Variants in FAM120A observed in about 807,000 individuals in gnomAD.
FAM120A encodes the protein family with sequence similarity 120 member A.
A neutral mutation model predicts 109.7 loss-of-function variants in FAM120A; 15 were observed. The ratio of observed to expected loss-of-function variants is 0.14; its 90% CI spans 0.09 to 0.21. FAM120A has a LOEUF of 0.21. Among genes scored for constraint, FAM120A ranks in the 10% least tolerant of loss-of-function variants. FAM120A has a pLI of 1.00. For missense variants in FAM120A, 899 were observed against 1,439.3 expected, an observed-to-expected ratio of 0.62 and a Z score of 6.07; for synonymous variants, 493 against 572.8, an observed-to-expected ratio of 0.86 and a Z score of 1.99.
chr9:93,452,212 G>T lies in FAM120A; in HGVS notation c.297G>T (p.Ala99=). The T allele has an allele frequency of 6.2e-7, 1 of 1,611,540 alleles. No homozygotes were observed. Among genetic ancestry groups the T allele is most frequent in the Non-Finnish European group, 8.5e-7 (1 of 1,179,614 alleles). Residue 99 remains alanine, a synonymous_variant, in exon 1 of 18, where the codon GCG becomes GCT. Transcript: ENST00000277165. The surrounding 1 kb of genome is among the most constrained non-coding windows in gnomAD (Gnocchi z 7.0). ...NIELFVFFNG[A]LEKARLHEWV... is the part of the protein sequence containing the mutation. ...AGCTCTTCGTCTTCTTCAACGGCGC[G>T]CTCGAGAAGGCCCGGCTGCACGAGT... is the stretch of plus-strand genomic sequence containing the variant.
At chr9:93,535,947 T>A (rs1861498532) in intron 10 of FAM120A, among the ~76,000 whole-genome samples, 2 of 152,238 alleles carry the variant, frequency 1.3e-5, no homozygotes, top group Admixed American at 1.3e-4. Flanking sequence ...GCTGACTAAA[T>A]ACTGACCCTG....
intron 7 of FAM120A, among the ~76,000 whole-genome samples, chr9:93,525,762 G>T (rs1020781189): frequency 6.6e-6 from 1 of 152,150 alleles, no homozygotes; most frequent in African/African-American, 2.4e-5. Context: ...GGTTTTTGAC[G>T]TGTCTGAGCC....
intron 10 of FAM120A, among the ~76,000 whole-genome samples, chr9:93,538,039 CTT>C (rs3841292): frequency 1.2e-4 from 18 of 146,978 alleles, no homozygotes; most frequent in East Asian, 2.0e-4. Flanking sequence ...TCCTTGTACT[CTT>C]TTTTTTTTTT....
Position 93,498,566 on chromosome 9 carries a change from G to A in FAM120A, c.934-224G>A, listed in dbSNP as rs575488483. Among the ~76,000 whole-genome samples the A allele has an allele frequency of 4.6e-5, 7 of 152,330 alleles. No individual in the cohort carries two copies. In the East Asian group the frequency reaches 1.2e-3, roughly 25 times the overall value. The stretch of plus-strand genomic sequence containing the variant: ...AACCCAGGGCCCTGACTACCACTTT[G>A]GAGTTCTGCTCTTGTGACTACATTG... On this transcript the variant is annotated intron_variant, in intron 4 of 17. Coordinates refer to ENST00000277165, the MANE Select transcript of FAM120A (RefSeq NM_014612.5). The surrounding 1 kb of genome is among the most constrained non-coding windows in gnomAD (Gnocchi z 4.4).
At position 93,530,466 on chromosome 9, in the gene FAM120A, A is replaced by G. The variant is rs994413911; in HGVS notation, c.1734+886A>G. On this transcript the variant is annotated intron_variant, in intron 9 of 17. Transcript: ENST00000277165. ...TTGTAAAATGGAGTCAATAAATGCA[A>G]TAATGAACTCCTGTTCTCAAATACT... 4 of 152,248 alleles carry G rather than the reference A, an allele frequency of 2.6e-5. No individual in the cohort carries two copies. The South Asian group carries it at 8.3e-4, about 31-fold the overall frequency. 9.4% of individuals were successfully genotyped at this position (152,248 alleles called of 1,614,324 possible). A position where few individuals can be genotyped will look rare whatever the true frequency, so the allele number is the denominator to read the frequency against.
intron 5 of FAM120A, among the ~76,000 whole-genome samples, chr9:93,506,283 A>G (rs1402624809): frequency 6.6e-6 from 1 of 152,208 alleles, no homozygotes; most frequent in Admixed American, 6.5e-5. Flanking sequence ...ACTAAAGAAA[A>G]TGTTACATTT....
chr9:93,497,373 G>C, intron 3 of FAM120A, 98 bp from the exon 4 acceptor site: 1 of 1,479,130 alleles, frequency 6.8e-7, no homozygotes, highest in Non-Finnish European at 9.3e-7. Flanking sequence ...TAAGATCTTA[G>C]ATGGTAGCTC....
intron 12 of FAM120A, 148 bp downstream of exon 12, chr9:93,550,839 T>TG: frequency 1.7e-6 from 1 of 586,156 alleles, no homozygotes; most frequent in South Asian, 2.2e-5. Flanking sequence ...GATAAGAACT[T>TG]GATCAATCGC....
intron 3 of FAM120A, among the ~76,000 whole-genome samples, chr9:93,496,709 A>G (rs893711479): frequency 3.3e-5 from 5 of 152,250 alleles, no homozygotes; most frequent in Non-Finnish European, 5.9e-5. Flanking sequence ...TTGCCACGCA[A>G]TGCAGCATAT....
At chr9:93,511,154 G>C (rs2494780) in intron 5 of FAM120A, among the ~76,000 whole-genome samples, 1 of 151,732 alleles carries the variant, frequency 6.6e-6, no homozygotes, top group Admixed American at 6.6e-5. Context: ...ATTCTTTCAC[G>C]TGCCACGCAG....
chr9:93,543,388 G>A lies in FAM120A; in HGVS notation c.2076G>A (p.Leu692=). Residue 692 remains leucine (L), a synonymous_variant, in exon 11 of 18, where the codon CTG becomes CTA. Transcript: ENST00000277165. The part of the protein sequence containing the change: ...EDKNRRMRAF[L]ACMRSDTPAM... ...AGAACCGCAGGATGAGGGCCTTCCT[G>A]GCCTGCATGAGGTCGGACACCCCAG... 1 of 1,614,158 alleles carries A rather than the reference G, an allele frequency of 6.2e-7. No homozygotes were observed. Among genetic ancestry groups the A allele is most frequent in the Non-Finnish European group, 8.5e-7 (1 of 1,180,026 alleles).
chr9:93,545,143 C>T (rs1010049239), intron 11 of FAM120A, among the ~76,000 whole-genome samples: 1 of 152,100 alleles, frequency 6.6e-6, no homozygotes, highest in Non-Finnish European at 1.5e-5. Flanking sequence ...CCTGCCTCAG[C>T]CCTGGGATCC....
At chr9:93,518,946 T>C (rs1860726352) in intron 7 of FAM120A, among the ~76,000 whole-genome samples, 1 of 152,128 alleles carries the variant, frequency 6.6e-6, no homozygotes, top group Admixed American at 6.5e-5. Context: ...TTTTTAAAGC[T>C]CATTAGCTAT....
intron 8 of FAM120A, among the ~76,000 whole-genome samples, chr9:93,527,614 A>ATTTTTTTTTTTT (rs67894788): frequency 3.7e-5 from 3 of 80,638 alleles, no homozygotes; most frequent in East Asian, 4.4e-4. Flanking sequence ...TTTGTATTTA[A>ATTTTTTTTTTTT]TTTTTTTTTT....
chr9:93,529,946 A>G, intron 9 of FAM120A: 1 of 476,352 alleles, frequency 2.1e-6, no homozygotes, highest in Middle Eastern at 5.7e-4. Flanking sequence ...GATGTCAGAT[A>G]CAATATCTGG....
chr9:93,564,535 G>C lies in FAM120A; in HGVS notation c.3352G>C (p.Glu1118Gln). ...GGAGGCAGCTGTCTTAAATAAAGAA[G>C]AGTAAACTTATTTTTTATAGAGGGT... is the stretch of plus-strand genomic sequence containing the variant. ...ALEAAVLNKE[E>Q] Residue 1118 changes from glutamate to glutamine, a missense_variant, in exon 18 of 18, where the codon GAG (glutamate) becomes CAG (glutamine). Glu to Gln is a conservative substitution (Grantham distance 29). Coordinates refer to ENST00000277165, the MANE Select transcript of FAM120A (RefSeq NM_014612.5). 1 of 1,602,552 alleles carries C rather than the reference G, an allele frequency of 6.2e-7. No individual in the cohort carries two copies. The highest frequency in any genetic ancestry group is 8.5e-7 in the Non-Finnish European group (1 of 1,172,214).
intron 14 of FAM120A, 67 bp downstream of exon 14, chr9:93,558,077 T>G: frequency 7.0e-7 from 1 of 1,438,002 alleles, no homozygotes; most frequent in Non-Finnish European, 9.2e-7. Flanking sequence ...AGTGCAGCCC[T>G]TATAGGCAAG....
intron 10 of FAM120A, among the ~76,000 whole-genome samples, chr9:93,541,478 G>A (rs371813669): frequency 1.8e-4 from 27 of 152,286 alleles, no homozygotes; most frequent in East Asian, 7.7e-4. Flanking sequence ...GATATGCTTC[G>A]TGATGGAGAC....
At chr9:93,485,110 A>G (rs1488617845) in intron 3 of FAM120A, among the ~76,000 whole-genome samples, 5 of 152,134 alleles carry the variant, frequency 3.3e-5, no homozygotes, top group South Asian at 4.1e-4. Context: ...TCCTAGTCCT[A>G]TGTCTTCCCC....
Sources: gnomAD v4.1 joint callset for allele counts (sites outside exome capture counted in the v4.1 genomes callset) on GRCh38, gnomAD v4.1.1 for gene constraint, Gnocchi (gnomAD v3.1) non-coding constraint, MANE v1.5 for transcripts, NCBI Gene and HGNC (gene_info 2026-07-23, HGNC 2026-07-21) for gene names.